Variants in AGR3 observed in about 807,000 individuals in gnomAD.
AGR3 encodes anterior gradient protein 3.
Under a neutral mutation model 24.5 loss-of-function variants are expected in AGR3, and 37 were observed. That is an observed-to-expected ratio of 1.51 (90% confidence interval 1.16 to 1.99). AGR3 has a LOEUF of 1.99. AGR3 is among the 30% of genes most tolerant of loss of function. AGR3 has a pLI of 0.00. For missense variants in AGR3, 228 were observed against 191.1 expected (o/e 1.19, Z -1.14); for synonymous variants, 75 against 61.6 (o/e 1.22, Z -1.02).
chr7:16,880,497 CCTTTCCCCT>C (rs1782091830), intron 1 of AGR3, among the ~76,000 whole-genome samples: 1 of 68,098 alleles, frequency 1.5e-5, no homozygotes, highest in Non-Finnish European at 3.3e-5. Flanking sequence ...CCTTTCCCCT[CCTTTCCCCT>C]CCTCTTTCCC....
In AGR3 at chr7:16,866,553, C is replaced by T. The variant is rs538779344; in HGVS notation, c.174-3891G>A. Reference sequence around the variant, plus strand: ...TTCTGATATATACTCTCCATAGAAGCTGTACCAATTCATATTCTCTCTGGT... The same window carrying T: ...TTCTGATATATACTCTCCATAGAAGTTGTACCAATTCATATTCTCTCTGGT... On this transcript the variant is annotated intron_variant, in intron 3 of 7. Transcript: ENST00000310398. Among the ~76,000 whole-genome samples, 133 of 152,236 alleles carry T rather than the reference C, an allele frequency of 8.7e-4. No individual in the cohort carries two copies. The Middle Eastern group carries it at 0.014, about 16-fold the overall frequency.
intron 3 of AGR3, chr7:16,865,159 C>A: frequency 1.3e-6 from 1 of 740,810 alleles, no homozygotes; most frequent in South Asian, 1.6e-5. Context: ...GTAGCTTGGA[C>A]CTCTTGACTT....
downstream of AGR3, among the ~76,000 whole-genome samples, chr7:16,858,036 G>A (rs1030665708): frequency 1.3e-5 from 2 of 149,534 alleles, no homozygotes; most frequent in Non-Finnish European, 3.0e-5. Context: ...TGCCCAGGCT[G>A]GAGTGCAATG....
intron 1 of AGR3, among the ~76,000 whole-genome samples, chr7:16,879,284 G>A (rs1168120813): frequency 6.6e-6 from 1 of 152,076 alleles, no homozygotes; most frequent in East Asian, 1.9e-4. Flanking sequence ...CTATAAATTA[G>A]ACATATGTAT....
chr7:16,861,836 G>A, intron 5 of AGR3, 148 bp downstream of exon 5: 1 of 655,092 alleles, frequency 1.5e-6, no homozygotes, highest in Non-Finnish European at 2.5e-6. Context: ...GGGAGGCTGA[G>A]GTTGCTGTGA....
chr7:16,874,395 G>A (rs1263627042), intron 2 of AGR3, among the ~76,000 whole-genome samples: 6 of 151,914 alleles, frequency 3.9e-5, no homozygotes, highest in African/African-American at 1.5e-4. Context: ...CATGTGTTTT[G>A]GAAACACCCA....
chr7:16,866,709 T>C (rs1418617433), intron 3 of AGR3, among the ~76,000 whole-genome samples: 1 of 152,182 alleles, frequency 6.6e-6, no homozygotes, highest in African/African-American at 2.4e-5. Flanking sequence ...CAATCTTATA[T>C]GTTTGAGTTA....
chr7:16,864,270 C>T lies in AGR3; in HGVS notation c.174-1608G>A, dbSNP rs1177850213. On this transcript the variant is annotated intron_variant, in intron 3 of 7. Coordinates refer to ENST00000310398, the MANE Select transcript of AGR3 (RefSeq NM_176813.5). ...CTGATTAGCAGGCTGGCTTCTATGTCCCATCACTCTCATAGTCTTCTATTA... is the reference window on the plus strand; with the variant it reads ...CTGATTAGCAGGCTGGCTTCTATGTTCCATCACTCTCATAGTCTTCTATTA... The T allele has an allele frequency of 4.5e-6, 6 of 1,339,564 alleles. No individual in the cohort carries two copies. The East Asian group carries it at 1.4e-4, about 31-fold the overall frequency. 83.0% of individuals were successfully genotyped at this position (1,339,564 alleles called of 1,614,324 possible).
At chr7:16,877,651 C>G (rs372070928) in intron 2 of AGR3, among the ~76,000 whole-genome samples, 1 of 151,884 alleles carries the variant, frequency 6.6e-6, no homozygotes, top group African/African-American at 2.4e-5. Flanking sequence ...ATCACAAGGT[C>G]AGGAGATCGA....
intron 3 of AGR3, among the ~76,000 whole-genome samples, chr7:16,869,015 C>G (rs558535762): frequency 2.0e-5 from 3 of 152,160 alleles, no homozygotes; most frequent in Non-Finnish European, 4.4e-5. Flanking sequence ...AACGTATCTT[C>G]TCTTGCTGTT....
chr7:16,871,788 G>C (rs370958845), intron 3 of AGR3, among the ~76,000 whole-genome samples: 16 of 152,250 alleles, frequency 1.1e-4, no homozygotes, highest in African/African-American at 3.9e-4. Flanking sequence ...GTTGCAGCGA[G>C]CTGAGATCGC....
At chr7:16,861,608 GA>G (rs1293693426) in intron 5 of AGR3, among the ~76,000 whole-genome samples, 161 bp from the exon 6 acceptor site, 8 of 152,034 alleles carry the variant, frequency 5.3e-5, no homozygotes, top group Admixed American at 2.6e-4. Flanking sequence ...TTTAAAAATA[GA>G]AAAAAAGGAG....
chr7:16,857,128 C>A (rs1235629380), downstream of AGR3, among the ~76,000 whole-genome samples: 2 of 151,890 alleles, frequency 1.3e-5, no homozygotes, highest in Non-Finnish European at 2.9e-5. Flanking sequence ...TAGCACATGC[C>A]ACTGCACCCA....
intron 3 of AGR3, among the ~76,000 whole-genome samples, chr7:16,871,519 A>C (rs1488974453): frequency 6.6e-6 from 1 of 152,122 alleles, no homozygotes; most frequent in South Asian, 2.1e-4. Context: ...TAGCTGAAAA[A>C]AAGAAACAAG....
At chr7:16,864,391 G>GT in intron 3 of AGR3, 1 of 1,299,440 alleles carries the variant, frequency 7.7e-7, no homozygotes, top group Non-Finnish European at 1.1e-6. Context: ...AAGAGACCAG[G>GT]TTTCCAGCTC....
At chr7:16,862,857 G>A (rs938560526) in intron 3 of AGR3, among the ~76,000 whole-genome samples, 195 bp from the exon 4 acceptor site, 1 of 152,126 alleles carries the variant, frequency 6.6e-6, no homozygotes, top group Non-Finnish European at 1.5e-5. Flanking sequence ...GTATCACTAG[G>A]TAGCTTATTA....
downstream of AGR3, among the ~76,000 whole-genome samples, chr7:16,858,463 C>A (rs1781583604): frequency 6.6e-6 from 1 of 152,162 alleles, no homozygotes; most frequent in African/African-American, 2.4e-5. Context: ...TTGATCATTT[C>A]AGAATAAATA....
rs1377467072 is a variant in AGR3, at chr7:16,861,970, C to G, written c.303+14G>C. On this transcript the variant is annotated intron_variant, in intron 5 of 7. Transcript: ENST00000310398. ...AAATTATAGTATTAAGAAAACATCA[C>G]AAAGTTTATGTACCATAAGGTTTAG... 6.4e-7 allele frequency: 1 copy of G among 1,566,110 alleles called. No individual in the cohort carries two copies. Among genetic ancestry groups the G allele is most frequent in the Non-Finnish European group, 8.7e-7 (1 of 1,151,820 alleles).
chr7:16,869,747 T>C (rs1166593591), intron 3 of AGR3, among the ~76,000 whole-genome samples: 1 of 151,484 alleles, frequency 6.6e-6, no homozygotes, highest in Non-Finnish European at 1.5e-5. Flanking sequence ...TCTATGTCTT[T>C]TGATTGGAGG....
Sources: allele counts gnomAD v4.1 joint callset (sites outside exome capture counted in the v4.1 genomes callset), GRCh38; gene constraint gnomAD v4.1.1; transcripts MANE v1.5; gene names NCBI Gene and HGNC (gene_info 2026-07-23, HGNC 2026-07-21).